Variants in CLEC17A observed in about 807,000 individuals in gnomAD.
CLEC17A encodes C-type lectin domain family 17, member A.
In CLEC17A, 37 loss-of-function variants were observed where a neutral mutation model predicts 61.3. The observed-to-expected ratio is 0.60, with a 90% CI of 0.46 to 0.79. CLEC17A has a LOEUF of 0.79. Ranked by LOEUF, CLEC17A falls within the 30% of genes least tolerant of loss-of-function variation. The pLI is 0.00. For synonymous variants in CLEC17A, 168 were observed against 164.9 expected (o/e 1.02, Z -0.14); for missense variants, 418 against 464.7 (o/e 0.90, Z 0.92).
intron 10 of CLEC17A, among the ~76,000 whole-genome samples, chr19:14,598,382 C>T (rs2074608396): frequency 6.7e-6 from 1 of 149,630 alleles, no homozygotes. Flanking sequence ...TTCCTTCCTT[C>T]CTTCCCTTCC....
intron 4 of CLEC17A, among the ~76,000 whole-genome samples, chr19:14,592,951 C>T (rs1008710965): frequency 2.0e-5 from 3 of 152,050 alleles, no homozygotes; most frequent in Non-Finnish European, 4.4e-5. Flanking sequence ...CAGGTGTGAG[C>T]CACCACGCCT....
At chr19:14,607,471 G>A (rs1017181355) in intron 13 of CLEC17A, among the ~76,000 whole-genome samples, 2 of 151,768 alleles carry the variant, frequency 1.3e-5, no homozygotes, top group Non-Finnish European at 2.9e-5. Context: ...CCAAAGTGCT[G>A]GGATTACAGG....
chr19:14,607,455 G>C (rs964702548), intron 13 of CLEC17A, among the ~76,000 whole-genome samples: 20 of 151,880 alleles, frequency 1.3e-4, no homozygotes, highest in Middle Eastern at 6.8e-3. Context: ...TGCCCGCCTT[G>C]GCCTCCCAAA....
At chr19:14,592,483 C>G (rs375106903) in intron 4 of CLEC17A, 125 bp downstream of exon 4, 98 of 1,518,844 alleles carry the variant, frequency 6.5e-5, no homozygotes, top group African/African-American at 5.4e-4. Flanking sequence ...AGGCACTGTG[C>G]AACACACACC....
At chr19:14,592,933 T>C (rs1167764494) in intron 4 of CLEC17A, among the ~76,000 whole-genome samples, 1 of 152,110 alleles carries the variant, frequency 6.6e-6, no homozygotes, top group Non-Finnish European at 1.5e-5. Context: ...CCCAAAGTGC[T>C]GGGATTACAG....
intron 12 of CLEC17A, among the ~76,000 whole-genome samples, chr19:14,601,228 AACAG>A (rs2074708613): frequency 6.6e-6 from 1 of 152,110 alleles, no homozygotes; most frequent in Admixed American, 6.6e-5. Flanking sequence ...ATGCTGCGGT[AACAG>A]ACAGTCTCCA....
In CLEC17A at chr19:14,610,232, G is replaced by T; in HGVS notation, c.*36G>T. 6.5e-7 allele frequency: 1 copy of T among 1,545,830 alleles called. No homozygotes were observed. Among genetic ancestry groups the T allele is most frequent in the Non-Finnish European group, 8.7e-7 (1 of 1,147,108 alleles). ...CGAGGCTGGGGGTCCATATCTGAGT[G>T]TCTCTTTGAGATGAGAATCTCCTGC... On this transcript the variant is annotated 3_prime_UTR_variant, in exon 14 of 14. Coordinates refer to ENST00000417570, the MANE Select transcript of CLEC17A (RefSeq NM_001204118.2).
intron 10 of CLEC17A, 126 bp downstream of exon 10, chr19:14,597,287 A>C: frequency 1.2e-6 from 1 of 828,452 alleles, no homozygotes; most frequent in South Asian, 1.6e-5. Flanking sequence ...CAGGGGGTTA[A>C]AATGGTAAAC....
At chr19:14,587,526 A>T (rs2074314606) in intron 2 of CLEC17A, 88 bp from the exon 3 acceptor site, 49 of 1,404,872 alleles carry the variant, frequency 3.5e-5, no homozygotes, top group Non-Finnish European at 4.6e-5. Context: ...CAGAATCCCC[A>T]TCATGGGGCA....
Position 14,610,854 on chromosome 19 carries a change from G to T in CLEC17A, c.*658G>T, listed in dbSNP as rs1313865913. ...TTATTATTATTTTTATAGAGATGAG[G>T]TCTCACTCTGTTGCCGAGGCTGGTC... On this transcript the variant is annotated 3_prime_UTR_variant, in exon 14 of 14. Transcript: ENST00000417570. 6.6e-6 allele frequency: 1 copy of T among 152,048 alleles called. No individual in the cohort carries two copies. Among genetic ancestry groups the T allele is most frequent in the African/African-American group, 2.4e-5 (1 of 41,344 alleles). The allele number at this position is 152,048 out of a possible 1,614,324, so 9.4% of individuals were successfully genotyped here.
chr19:14,593,628 CT>C (rs2074474186), intron 4 of CLEC17A, among the ~76,000 whole-genome samples: 2 of 152,172 alleles, frequency 1.3e-5, no homozygotes, highest in South Asian at 4.1e-4. Flanking sequence ...CACCACTGCA[CT>C]CCAGTCTGGA....
At chr19:14,596,372 G>A (rs1157535979) in intron 8 of CLEC17A, among the ~76,000 whole-genome samples, 1 of 152,158 alleles carries the variant, frequency 6.6e-6, no homozygotes, top group African/African-American at 2.4e-5. Context: ...GCTTACGCCT[G>A]TAATCCCAGC....
chr19:14,608,659 A>G (rs1599583841), intron 13 of CLEC17A, among the ~76,000 whole-genome samples: 1 of 134,806 alleles, frequency 7.4e-6, no homozygotes, highest in Non-Finnish European at 1.6e-5. Context: ...TTTGAGACAG[A>G]GTCTCACTCT....
chr19:14,584,210 T>G (rs1217729098), intron 2 of CLEC17A: 1 of 152,024 alleles, frequency 6.6e-6, no homozygotes, highest in African/African-American at 2.4e-5. Context: ...GCGTCTGCAC[T>G]AAGTTTGGCA....
chr19:14,604,952 A>G (rs1424850801), intron 12 of CLEC17A, among the ~76,000 whole-genome samples: 1 of 152,122 alleles, frequency 6.6e-6, no homozygotes, highest in African/African-American at 2.4e-5. Context: ...TGTTACTCAC[A>G]CCCAAACAGC....
intron 10 of CLEC17A, among the ~76,000 whole-genome samples, chr19:14,597,967 A>C (rs973087444): frequency 4.6e-5 from 7 of 152,176 alleles, no homozygotes; most frequent in Admixed American, 4.6e-4. Flanking sequence ...TTCGTGGGGG[A>C]GTAGTGATAA....
chr19:14,597,283 G>C, intron 10 of CLEC17A, 122 bp downstream of exon 10: 1 of 847,076 alleles, frequency 1.2e-6, no homozygotes, highest in Non-Finnish European at 1.9e-6. Flanking sequence ...GTACCAGGGG[G>C]TTAAAATGGT....
chr19:14,591,354 C>G (rs2074411532), intron 3 of CLEC17A, among the ~76,000 whole-genome samples: 1 of 151,660 alleles, frequency 6.6e-6, no homozygotes, highest in Admixed American at 6.6e-5. Flanking sequence ...CAGGGTTTCA[C>G]CATGTTAGCC....
intron 3 of CLEC17A, among the ~76,000 whole-genome samples, chr19:14,591,311 C>T (rs1334286236): frequency 3.3e-5 from 5 of 151,312 alleles, no homozygotes; most frequent in Non-Finnish European, 4.4e-5. Context: ...CCCGCCACCA[C>T]GCCTGGCTAA....
Sources: allele counts gnomAD v4.1 joint callset (sites outside exome capture counted in the v4.1 genomes callset), GRCh38; gene constraint gnomAD v4.1.1; transcripts MANE v1.5; gene names NCBI Gene and HGNC (gene_info 2026-07-23, HGNC 2026-07-21).